The following PDCD2L variants were observed in gnomAD, a reference collection of about 807,000 sequenced individuals.
The protein encoded by PDCD2L is uS5 assembly chaperone PDCD2L.
PDCD2L carries 44 observed loss-of-function variants against 40.4 expected under a neutral mutation model. The observed-to-expected ratio is 1.09, with a 90% confidence interval of 0.86 to 1.40. The LOEUF (loss-of-function observed/expected upper bound fraction) is 1.40. Ranked by LOEUF, PDCD2L falls within the 40% of genes most tolerant of loss-of-function variation. The pLI, the probability that PDCD2L is intolerant of heterozygous loss-of-function variation, is 0.00. For missense variants in PDCD2L, 470 were observed against 453.7 expected, an observed-to-expected ratio of 1.04 and a Z score of -0.33; for synonymous variants, 194 against 174.6, an observed-to-expected ratio of 1.11 and a Z score of -0.88.
chr19:34,414,325 G>A lies in PDCD2L; in HGVS notation c.797+478G>A, dbSNP rs544953572. ...CAAGTAGCTGGGATTACAGGTGCCC[G>A]CCACCCTGCCCAGCTGATTTTTTTG... On this transcript the variant is annotated intron_variant, in intron 5 of 6. Transcript: ENST00000246535. Among the ~76,000 whole-genome samples the A allele has an allele frequency of 7.4e-5, 11 of 148,930 alleles. No homozygotes were observed. In the East Asian group the frequency reaches 1.8e-3, roughly 24 times the overall value.
rs1315445145 is a variant in PDCD2L, at chr19:34,404,485, G to C, written c.55G>C (p.Gly19Arg). ...GGGCCTTCGAGATGCGCCGGTGCAC[G>C]GCAGCCCCACAGGGCCGGGTGCCTG... ...LLGLRDAPVH[G>R]SPTGPGAWTA... is the part of the protein sequence containing the mutation. The change falls in exon 1 of 7, where the codon GGC (glycine) becomes CGC (arginine). Residue 19 changes from glycine (G) to arginine (R), a missense_variant. Physicochemically the swap from Gly to Arg is moderately radical, Grantham distance 125. Coordinates refer to ENST00000246535, the MANE Select transcript of PDCD2L (RefSeq NM_032346.2). The C allele has an allele frequency of 6.5e-7, 1 of 1,543,744 alleles. No individual in the cohort carries two copies. Among genetic ancestry groups the C allele is most frequent in the Non-Finnish European group, 8.7e-7 (1 of 1,146,720 alleles).
chr19:34,409,427 T>C lies in PDCD2L; in HGVS notation c.603T>C (p.Phe201=). 1.2e-6 allele frequency: 2 copies of C among 1,614,166 alleles called. No individual in the cohort carries two copies. Among genetic ancestry groups the C allele is most frequent in the Non-Finnish European group, 1.7e-6 (2 of 1,180,034 alleles). ...CAGATGAGGATGATTACAGGGACTTTGTCAACCTGGATCATGCCCACAGCC... is the reference window on the plus strand; with the variant it reads ...CAGATGAGGATGATTACAGGGACTTCGTCAACCTGGATCATGCCCACAGCC... The part of the protein sequence containing the change: ...CVADEDDYRD[F]VNLDHAHSLL... The change falls in exon 4 of 7, where the codon TTT becomes TTC. Residue 201 remains phenylalanine, a synonymous_variant. Transcript: ENST00000246535.
intron 4 of PDCD2L, among the ~76,000 whole-genome samples, chr19:34,410,778 A>ATTTATTTATTTAT: frequency 6.7e-6 from 1 of 150,108 alleles, no homozygotes; most frequent in Non-Finnish European, 1.5e-5. Flanking sequence ...TTATTTATTT[A>ATTTATTTATTTAT]TTTATTTATT....
intron 3 of PDCD2L, among the ~76,000 whole-genome samples, chr19:34,408,337 CTT>C (rs111852859): frequency 6.9e-6 from 1 of 145,264 alleles, no homozygotes; most frequent in Non-Finnish European, 1.5e-5. Flanking sequence ...GTTGCTTTTT[CTT>C]TTTTTTTTTG....
chr19:34,415,402 C>T (rs1268842955), intron 5 of PDCD2L, among the ~76,000 whole-genome samples: 2 of 152,172 alleles, frequency 1.3e-5, no homozygotes, highest in Non-Finnish European at 2.9e-5. Flanking sequence ...GCTTGAGCCA[C>T]TGTGACTAGT....
intron 5 of PDCD2L, among the ~76,000 whole-genome samples, chr19:34,416,146 C>T (rs1439790539): frequency 6.6e-6 from 1 of 152,150 alleles, no homozygotes; most frequent in South Asian, 2.1e-4. Flanking sequence ...GTCTCGAACT[C>T]CCGACTTCTG....
chr19:34,423,213 C>T (rs903827488), intron 6 of PDCD2L, among the ~76,000 whole-genome samples: 5 of 151,920 alleles, frequency 3.3e-5, no homozygotes, highest in Admixed American at 1.3e-4. Context: ...TTTTTTGAGA[C>T]GGAGTTTCAC....
chr19:34,406,942 C>T (rs1469767798), intron 3 of PDCD2L, among the ~76,000 whole-genome samples: 1 of 149,790 alleles, frequency 6.7e-6, no homozygotes, highest in Non-Finnish European at 1.5e-5. Context: ...AAGCGCTTAT[C>T]CTGCCTGCCT....
rs1376910414 is a variant in PDCD2L, at chr19:34,421,395, G to A, written c.798-124G>A. On this transcript the variant is annotated intron_variant, in intron 5 of 6. Transcript: ENST00000246535. ...TCTTGCTATGCTTTACAGCCATGGT[G>A]CTAGGTTTTTGGGCCTCTGGGAGAT... The A allele has an allele frequency of 3.7e-6, 4 of 1,069,764 alleles. No homozygotes were observed. The Admixed American group carries it at 8.5e-5, about 23-fold the overall frequency. 66.3% of individuals were successfully genotyped at this position (1,069,764 alleles called of 1,614,324 possible).
At position 34,421,816 on chromosome 19, in the gene PDCD2L, G is replaced by A. The variant is rs2075152705; in HGVS notation, c.946+149G>A. On this transcript the variant is annotated intron_variant, in intron 6 of 6. Coordinates refer to ENST00000246535, the MANE Select transcript of PDCD2L (RefSeq NM_032346.2). ...TTATTTTAAGAAATTTAGGCCAGGTGTGGTGGCTCATGCCTGTAATCCCAG... is the reference window on the plus strand; with the variant it reads ...TTATTTTAAGAAATTTAGGCCAGGTATGGTGGCTCATGCCTGTAATCCCAG... The A allele has an allele frequency of 2.2e-5, 23 of 1,061,076 alleles. No individual in the cohort carries two copies. The South Asian group carries it at 3.5e-4, about 16-fold the overall frequency. 65.7% of individuals were successfully genotyped at this position (1,061,076 alleles called of 1,614,324 possible).
At chr19:34,423,535 C>T (rs2075162665) in intron 6 of PDCD2L, among the ~76,000 whole-genome samples, 1 of 137,138 alleles carries the variant, frequency 7.3e-6, no homozygotes, top group African/African-American at 2.8e-5. Context: ...CACTCTGTCG[C>T]CCAGCCTGGA....
rs113614064 is a variant in PDCD2L, at chr19:34,424,801, G to A, written c.947-1189G>A. Among the ~76,000 whole-genome samples the A allele has an allele frequency of 8.1e-3, 1,199 of 147,174 alleles. 15 individuals are homozygous for A. The highest frequency in any genetic ancestry group is 0.028 in the African/African-American group (1,117 of 39,846). On this transcript the variant is annotated intron_variant, in intron 6 of 6. Coordinates refer to ENST00000246535, the MANE Select transcript of PDCD2L (RefSeq NM_032346.2). ...ACTCTGTTGCCCAGGCTGGAGTGCA[G>A]TGGCACAATCTCTTCTCACTGCAAC...
Position 34,409,016 on chromosome 19 carries a change from A to G in PDCD2L, c.337-145A>G. The G allele has an allele frequency of 4.4e-6, 3 of 684,464 alleles. No individual in the cohort carries two copies. The East Asian group carries it at 8.0e-5, about 18-fold the overall frequency. 42.4% of individuals were successfully genotyped at this position (684,464 alleles called of 1,614,324 possible). ...ACGTGCTTTTGAGTACATAGGGTCT[A>G]GAAAGTTTGATTGGAGTGTACCAGA... On this transcript the variant is annotated intron_variant, in intron 3 of 6. Coordinates refer to ENST00000246535, the MANE Select transcript of PDCD2L (RefSeq NM_032346.2).
chr19:34,409,434 C>G lies in PDCD2L; in HGVS notation c.610C>G (p.Leu204Val). 2 of 1,614,168 alleles carry G rather than the reference C, an allele frequency of 1.2e-6. No homozygotes were observed. The highest frequency in any genetic ancestry group is 1.7e-6 in the Non-Finnish European group (2 of 1,180,036). ...DEDDYRDFVN[L>V]DHAHSLLRDY... ...GGATGATTACAGGGACTTTGTCAAC[C>G]TGGATCATGCCCACAGCCTTCTGAG... is the stretch of plus-strand genomic sequence containing the variant. Residue 204 changes from leucine to valine, a missense_variant, in exon 4 of 7, where the codon CTG becomes GTG. Physicochemically the swap from Leu to Val is conservative, Grantham distance 32. Transcript: ENST00000246535.
intron 6 of PDCD2L, among the ~76,000 whole-genome samples, 155 bp downstream of exon 6, chr19:34,421,822 GCTCATGC>G (rs371599964): frequency 1.7e-4 from 26 of 152,186 alleles, no homozygotes; most frequent in East Asian, 7.8e-4. Context: ...AGGTGTGGTG[GCTCATGC>G]CTGTAATCCC....
intron 3 of PDCD2L, among the ~76,000 whole-genome samples, chr19:34,406,112 G>A (rs1001599387): frequency 6.6e-5 from 10 of 152,120 alleles, no homozygotes; most frequent in African/African-American, 2.4e-4. Context: ...ACTGCACTCC[G>A]GCCTGGGCCA....
chr19:34,415,537 T>TA (rs1245439450), intron 5 of PDCD2L, among the ~76,000 whole-genome samples: 1 of 152,180 alleles, frequency 6.6e-6, no homozygotes, highest in Non-Finnish European at 1.5e-5. Flanking sequence ...GTATAATTTA[T>TA]AAAAATAGCC....
chr19:34,407,697 T>C (rs971951052), intron 3 of PDCD2L, among the ~76,000 whole-genome samples: 1 of 152,188 alleles, frequency 6.6e-6, no homozygotes, highest in African/African-American at 2.4e-5. Flanking sequence ...TTACTGATTT[T>C]CCTGTTTGGG....
chr19:34,423,330 C>T (rs1489157254), intron 6 of PDCD2L, among the ~76,000 whole-genome samples: 44 of 150,708 alleles, frequency 2.9e-4, no homozygotes, highest in Non-Finnish European at 1.5e-5. Flanking sequence ...TTACAGGTGC[C>T]CACCACCACA....
Sources: gnomAD v4.1 joint callset for allele counts (sites outside exome capture counted in the v4.1 genomes callset) on GRCh38, gnomAD v4.1.1 for gene constraint, MANE v1.5 for transcripts, NCBI Gene and HGNC (gene_info 2026-07-23, HGNC 2026-07-21) for gene names.